The following MKX variants were observed in gnomAD, a reference collection of about 807,000 sequenced individuals.
The protein encoded by MKX is homeobox protein Mohawk.
A neutral mutation model predicts 36.0 loss-of-function variants in MKX; 13 were observed. The observed-to-expected ratio is 0.36, with a 90% confidence interval of 0.24 to 0.57. The LOEUF (loss-of-function observed/expected upper bound fraction) is 0.57, where lower values mean the gene tolerates loss of function less well. MKX is among the 20% of genes least tolerant of loss of function. The pLI is 0.79. For synonymous variants in MKX, 176 were observed against 178.3 expected (o/e 0.99, Z 0.10); for missense variants, 458 against 456.4 (o/e 1.00, Z -0.03).
chr10:27,745,106 AC>A (rs1201470796), intron 1 of MKX, among the ~76,000 whole-genome samples: 2 of 151,378 alleles, frequency 1.3e-5, no homozygotes, highest in African/African-American at 4.8e-5. Context: ...TGTACAAGAC[AC>A]CCTTCCCCGG....
rs767039772 is a variant in MKX, at chr10:27,734,449, G to A, written c.838+7C>T. On this transcript the variant is annotated splice_region_variant and intron_variant, in intron 5 of 6. Coordinates refer to ENST00000419761, the MANE Select transcript of MKX (RefSeq NM_173576.3). ...CGCAGGAATTACTACAGAAAGCACG[G>A]ACTTACCTGTGCGATAGACAAAGTT... 1 of 1,612,416 alleles carries A rather than the reference G, an allele frequency of 6.2e-7. No individual in the cohort carries two copies. The highest frequency in any genetic ancestry group is 1.3e-5 in the African/African-American group (1 of 74,868).
chr10:27,703,673 C>A lies in MKX; in HGVS notation c.839-28119G>T, dbSNP rs548884805. On this transcript the variant is annotated intron_variant, in intron 5 of 6. Coordinates refer to ENST00000419761, the MANE Select transcript of MKX (RefSeq NM_173576.3). ...CAACACTTTGGGAGGCCGTAGCGGG[C>A]GGATCACTTGAGGTCAGGAGTTCAT... Among the ~76,000 whole-genome samples the A allele has an allele frequency of 2.6e-5, 4 of 152,074 alleles. No homozygotes were observed. In the South Asian group the frequency reaches 8.3e-4, roughly 32 times the overall value.
intron 3 of MKX, among the ~76,000 whole-genome samples, chr10:27,736,152 A>C (rs1834770344): frequency 6.6e-6 from 1 of 152,116 alleles, no homozygotes; most frequent in African/African-American, 2.4e-5. Context: ...AAGAGTAGAG[A>C]GAGTGAAAGC....
chr10:27,687,556 A>T (rs1218771486), intron 5 of MKX, among the ~76,000 whole-genome samples: 1 of 152,140 alleles, frequency 6.6e-6, no homozygotes, highest in Non-Finnish European at 1.5e-5. Context: ...GGTAAAATGC[A>T]CAGCTCTTCT....
At chr10:27,687,355 G>T (rs1444935282) in intron 5 of MKX, among the ~76,000 whole-genome samples, 1 of 152,134 alleles carries the variant, frequency 6.6e-6, no homozygotes, top group Admixed American at 6.5e-5. Flanking sequence ...TTAAAATGGG[G>T]ATATTTTCAT....
intron 5 of MKX, among the ~76,000 whole-genome samples, chr10:27,719,964 G>T (rs1287100760): frequency 6.8e-6 from 1 of 146,858 alleles, no homozygotes; most frequent in East Asian, 2.0e-4. Flanking sequence ...ACTCCAGCCT[G>T]GGCAACAGAG....
chr10:27,734,410 C>T (rs1182721522), intron 5 of MKX, 46 bp downstream of exon 5: 2 of 1,523,720 alleles, frequency 1.3e-6, no homozygotes, highest in Non-Finnish European at 1.8e-6. Context: ...TTTAATTGTG[C>T]TTTAAACAGG....
At position 27,743,250 on chromosome 10, in the gene MKX, C is replaced by G. The variant is rs1401981489; in HGVS notation, c.166G>C (p.Gly56Arg). 1.3e-6 allele frequency: 2 copies of G among 1,533,054 alleles called. No individual in the cohort carries two copies. Among genetic ancestry groups the G allele is most frequent in the Middle Eastern group, 1.7e-4 (1 of 5,774 alleles). 95.0% of individuals were successfully genotyped at this position (1,533,054 alleles called of 1,614,324 possible). Residue 56 changes from glycine to arginine, a missense_variant, in exon 2 of 7, where the codon GGC becomes CGC. Coordinates refer to ENST00000419761, the MANE Select transcript of MKX (RefSeq NM_173576.3). Reference protein sequence around the residue: ...PDGPPLKDNLGLRHRRTGARQ... With the variant: ...PDGPPLKDNLRLRHRRTGARQ... ...TACCCGGTCCTCCGGTGTCTCAGGC[C>G]GAGGTTGTCCTTGAGGGGCGGGCCG... is the stretch of plus-strand genomic sequence containing the variant.
chr10:27,718,667 T>C (rs1834303121), intron 5 of MKX: 1 of 329,990 alleles, frequency 3.0e-6, no homozygotes, highest in Non-Finnish European at 6.1e-6. Context: ...TAGTATCCAC[T>C]TGGACTCCAG....
intron 5 of MKX, among the ~76,000 whole-genome samples, chr10:27,719,461 G>A (rs908894743): frequency 1.8e-4 from 28 of 152,176 alleles, no homozygotes; most frequent in African/African-American, 4.6e-4. Context: ...TCATCTAACC[G>A]CAGCATAAAG....
At chr10:27,685,333 T>C in intron 5 of MKX, among the ~76,000 whole-genome samples, 1 of 152,118 alleles carries the variant, frequency 6.6e-6, no homozygotes, top group East Asian at 1.9e-4. Context: ...CAAAACCAGA[T>C]TTTTTTCTCC....
chr10:27,680,962 ACT>A, intron 5 of MKX, among the ~76,000 whole-genome samples: 1 of 152,328 alleles, frequency 6.6e-6, no homozygotes, highest in South Asian at 2.1e-4. Flanking sequence ...AGAGGAAGCC[ACT>A]CATATTTTAA....
intron 5 of MKX, among the ~76,000 whole-genome samples, chr10:27,688,300 T>G: frequency 6.6e-6 from 1 of 152,200 alleles, no homozygotes; most frequent in Non-Finnish European, 1.5e-5. Flanking sequence ...GATGATTTAA[T>G]ATGAAAACCA....
At chr10:27,734,812 T>A in intron 4 of MKX, 21 bp from the exon 5 acceptor site, 1 of 1,572,210 alleles carries the variant, frequency 6.4e-7, no homozygotes, top group Non-Finnish European at 8.7e-7. Context: ...ACAGTATCAC[T>A]AAGTAGGGTG....
At chr10:27,739,177 T>A (rs1313962924) in intron 3 of MKX, among the ~76,000 whole-genome samples, 1 of 152,104 alleles carries the variant, frequency 6.6e-6, no homozygotes, top group Non-Finnish European at 1.5e-5. Flanking sequence ...CACATACCAT[T>A]TTATACTATT....
At chr10:27,698,632 C>T (rs1466321122) in intron 5 of MKX, among the ~76,000 whole-genome samples, 3 of 152,050 alleles carry the variant, frequency 2.0e-5, no homozygotes, top group Non-Finnish European at 4.4e-5. Flanking sequence ...TTGAAGGACG[C>T]AGGACATAAA....
intron 5 of MKX, among the ~76,000 whole-genome samples, chr10:27,717,041 G>A (rs2815479): frequency 0.67 from 102,054 of 151,928 alleles, 36,332 homozygotes; most frequent in Non-Finnish European, 0.8. Flanking sequence ...TGTGGGTGTT[G>A]GTTTGAAAGT....
At chr10:27,695,225 C>A (rs1417718893) in intron 5 of MKX, among the ~76,000 whole-genome samples, 1 of 152,092 alleles carries the variant, frequency 6.6e-6, no homozygotes, top group Non-Finnish European at 1.5e-5. Context: ...TGAGTCCGAA[C>A]CCAAGGGAGC....
Position 27,705,250 on chromosome 10 carries a change from T to TAA in MKX, c.838+29204_838+29205dup, listed in dbSNP as rs9335644. On this transcript the variant is annotated intron_variant, in intron 5 of 6. Transcript: ENST00000419761. ...ATTGGGATTGAATGCTACACAGCTGTAAAAAAAAGAATGTGAATACTCTCC... is the reference window on the plus strand; with the variant it reads ...ATTGGGATTGAATGCTACACAGCTGTAAAAAAAAAAGAATGTGAATACTCTCC... 1.2e-4 allele frequency among the ~76,000 whole-genome samples: 18 copies of TAA among 151,900 alleles called. No homozygotes were observed. In the East Asian group the frequency reaches 1.5e-3, roughly 13 times the overall value.
Sources: allele counts gnomAD v4.1 joint callset (sites outside exome capture counted in the v4.1 genomes callset), GRCh38; gene constraint gnomAD v4.1.1; transcripts MANE v1.5; gene names NCBI Gene and HGNC (gene_info 2026-07-23, HGNC 2026-07-21).